The following MAP4K3 variants were observed in gnomAD, a reference collection of about 807,000 sequenced individuals.
MAP4K3 encodes mitogen-activated protein kinase kinase kinase kinase 3.
MAP4K3 carries 94 observed loss-of-function variants against 143.5 expected under a neutral mutation model. That is an observed-to-expected ratio of 0.65 (90% CI 0.55 to 0.78). The LOEUF (loss-of-function observed/expected upper bound fraction) is 0.78. Ranked by LOEUF, MAP4K3 falls within the 30% of genes least tolerant of loss-of-function variation. The pLI, the probability that MAP4K3 is intolerant of heterozygous loss-of-function variation, is 0.00. For synonymous variants in MAP4K3, 416 were observed against 347.2 expected, an observed-to-expected ratio of 1.20 and a Z score of -2.20; for missense variants, 1,077 against 1,068.1, an observed-to-expected ratio of 1.01 and a Z score of -0.12.
At chr2:39,259,822 A>T (rs1365496388) in intron 29 of MAP4K3, among the ~76,000 whole-genome samples, 1 of 152,208 alleles carries the variant, frequency 6.6e-6, no homozygotes, top group Non-Finnish European at 1.5e-5. Flanking sequence ...ATATTAATTT[A>T]ATTATTTCCA....
At chr2:39,290,686 G>C (rs1371786284) in intron 18 of MAP4K3, among the ~76,000 whole-genome samples, 6 of 152,088 alleles carry the variant, frequency 3.9e-5, no homozygotes, top group Non-Finnish European at 8.8e-5. Flanking sequence ...GAAAGGGAGA[G>C]ATTTGTTAAA....
At position 39,437,207 on chromosome 2, in the gene MAP4K3, C is replaced by A; in HGVS notation, c.-220G>T. 3.0e-6 allele frequency: 1 copy of A among 330,048 alleles called. No homozygotes were observed. The highest frequency in any genetic ancestry group is 5.0e-5 in the East Asian group (1 of 19,840). The allele number at this position is 330,048 out of a possible 1,614,324, so 20.4% of individuals were successfully genotyped here. On this transcript the variant is annotated 5_prime_UTR_variant, in exon 1 of 34. Transcript: ENST00000263881. ...CCCCGCCCCCCGCGGCCCGCCGCCG[C>A]GCCGAACCTGGTCACACCCACAAGG...
intron 1 of MAP4K3, among the ~76,000 whole-genome samples, chr2:39,403,317 T>G (rs1319927311): frequency 6.6e-6 from 1 of 152,144 alleles, no homozygotes; most frequent in Non-Finnish European, 1.5e-5. Context: ...TGGTTTTAAC[T>G]TCATATCACT....
At chr2:39,261,438 T>G (rs1165244112) in intron 28 of MAP4K3, among the ~76,000 whole-genome samples, 1 of 152,136 alleles carries the variant, frequency 6.6e-6, no homozygotes, top group Middle Eastern at 3.2e-3. Flanking sequence ...CACAATGAGA[T>G]AAATACTATA....
rs561198675 is a variant in MAP4K3 at position 39,328,727 on chromosome 2, A to C, written c.531-2450T>G. Among the ~76,000 whole-genome samples the C allele has an allele frequency of 5.9e-5, 9 of 152,308 alleles. No homozygotes were observed. The South Asian group carries it at 1.9e-3, about 32-fold the overall frequency. Reference sequence around the variant, plus strand: ...CCTAATAAGGGTAAATTTATGCCTCAATAAACCTGACTAAGAAATGTAGTT... The same window carrying C: ...CCTAATAAGGGTAAATTTATGCCTCCATAAACCTGACTAAGAAATGTAGTT... On this transcript the variant is annotated intron_variant, in intron 8 of 33. Transcript: ENST00000263881.
At chr2:39,384,540 C>T (rs1666442070) in intron 1 of MAP4K3, among the ~76,000 whole-genome samples, 1 of 152,138 alleles carries the variant, frequency 6.6e-6, no homozygotes, top group African/African-American at 2.4e-5. Context: ...GAGCAAAACT[C>T]CATCTCAAAA....
At chr2:39,310,465 T>C (rs780018963) in intron 13 of MAP4K3, among the ~76,000 whole-genome samples, 1 of 152,218 alleles carries the variant, frequency 6.6e-6, no homozygotes, top group African/African-American at 2.4e-5. Context: ...TGTGTATATA[T>C]ACTACATTTC....
At chr2:39,270,275 C>T (rs1040338595) in intron 26 of MAP4K3, among the ~76,000 whole-genome samples, 1 of 152,162 alleles carries the variant, frequency 6.6e-6, no homozygotes, top group Non-Finnish European at 1.5e-5. Flanking sequence ...TGAAATGTTT[C>T]AAAAATTTAG....
At chr2:39,397,784 C>A (rs1042940692) in intron 1 of MAP4K3, among the ~76,000 whole-genome samples, 3 of 151,904 alleles carry the variant, frequency 2.0e-5, no homozygotes, top group African/African-American at 7.3e-5. Flanking sequence ...ATACAAAGTC[C>A]GGAAATACAC....
At chr2:39,312,221 C>T (rs1220508970) in intron 13 of MAP4K3, among the ~76,000 whole-genome samples, 1 of 152,124 alleles carries the variant, frequency 6.6e-6, no homozygotes, top group East Asian at 1.9e-4. Context: ...TTTTTCTTTG[C>T]TTTCTAATGT....
intron 1 of MAP4K3, among the ~76,000 whole-genome samples, chr2:39,393,527 T>C (rs1666724054): frequency 1.3e-5 from 2 of 152,330 alleles, no homozygotes; most frequent in South Asian, 4.1e-4. Flanking sequence ...TTTTTTAAAA[T>C]TTTAATTTTT....
intron 1 of MAP4K3, among the ~76,000 whole-genome samples, chr2:39,403,492 A>G (rs1667008950): frequency 6.6e-6 from 1 of 152,082 alleles, no homozygotes; most frequent in Non-Finnish European, 1.5e-5. Flanking sequence ...TGATTGTGAG[A>G]CTTTGCATTG....
intron 31 of MAP4K3, among the ~76,000 whole-genome samples, chr2:39,254,910 G>A (rs1179363371): frequency 6.6e-6 from 1 of 152,008 alleles, no homozygotes; most frequent in African/African-American, 2.4e-5. Context: ...ATAAAATACT[G>A]CAAAATACAG....
At chr2:39,408,406 T>G (rs1370758759) in intron 1 of MAP4K3, among the ~76,000 whole-genome samples, 1 of 152,078 alleles carries the variant, frequency 6.6e-6, no homozygotes, top group Non-Finnish European at 1.5e-5. Context: ...CACGATACTC[T>G]AGGGAAGGGA....
chr2:39,378,266 G>A (rs1174801737), intron 1 of MAP4K3, 143 bp from the exon 2 acceptor site: 2 of 565,300 alleles, frequency 3.5e-6, no homozygotes, highest in Admixed American at 7.5e-5. Context: ...AAAACAAATA[G>A]TTTTTCCTTC....
At chr2:39,342,108 G>GTAT (rs113261872) in intron 4 of MAP4K3, among the ~76,000 whole-genome samples, 2,965 of 143,082 alleles carry the variant, frequency 0.021, 68 homozygotes, top group Admixed American at 0.071. Context: ...TGTCTTTCTA[G>GTAT]TATTATTATT....
In MAP4K3 at chr2:39,378,131, A is replaced by G; in HGVS notation, c.97-8T>C. The stretch of plus-strand genomic sequence containing the variant: ...AGTGTTAACATTCCGTGCCTAAAAG[A>G]AAGAGGAAAAAAGGATTATTGTGAA... On this transcript the variant is annotated splice_region_variant and splice_polypyrimidine_tract_variant and intron_variant, in intron 1 of 33. Coordinates refer to ENST00000263881, the MANE Select transcript of MAP4K3 (RefSeq NM_003618.4). The G allele has an allele frequency of 6.5e-7, 1 of 1,529,534 alleles. No homozygotes were observed. The highest frequency in any genetic ancestry group is 8.9e-7 in the Non-Finnish European group (1 of 1,120,462). The allele number at this position is 1,529,534 out of a possible 1,614,324, so 94.7% of individuals were successfully genotyped here.
rs1682034558 is a variant in MAP4K3, at chr2:39,291,244, T to C, written c.1272-910A>G. 2.0e-5 allele frequency among the ~76,000 whole-genome samples: 3 copies of C among 152,198 alleles called. No individual in the cohort carries two copies. In the South Asian group the frequency reaches 6.2e-4, roughly 31 times the overall value. On this transcript the variant is annotated intron_variant, in intron 18 of 33. Transcript: ENST00000263881. ...AAACGTTACTATGTACCACAGAAATTTGTATTATAATTATTTCAGTTAAAA... is the reference window on the plus strand; with the variant it reads ...AAACGTTACTATGTACCACAGAAATCTGTATTATAATTATTTCAGTTAAAA...
intron 23 of MAP4K3, 29 bp downstream of exon 23, chr2:39,280,243 A>G: frequency 7.7e-7 from 1 of 1,305,334 alleles, no homozygotes; most frequent in Non-Finnish European, 1.0e-6. Flanking sequence ...AAAATTAGGA[A>G]GATAACAGAT....
Sources: gnomAD v4.1 joint callset for allele counts (sites outside exome capture counted in the v4.1 genomes callset) on GRCh38, gnomAD v4.1.1 for gene constraint, MANE v1.5 for transcripts, NCBI Gene and HGNC (gene_info 2026-07-23, HGNC 2026-07-21) for gene names.